The following MRTFB variants were observed in gnomAD, a reference collection of about 807,000 sequenced individuals.
MRTFB encodes myocardin-related transcription factor B.
A neutral mutation model predicts 104.2 loss-of-function variants in MRTFB; 29 were observed. The observed-to-expected ratio is 0.28, with a 90% CI of 0.21 to 0.38. The LOEUF is 0.38. MRTFB is among the 10% of genes least tolerant of loss of function. The probability of loss-of-function intolerance (pLI) is 1.00; values close to 1 mark genes in which losing one functional copy is unlikely to be tolerated. For synonymous variants in MRTFB, 535 were observed against 519.5 expected, an observed-to-expected ratio of 1.03 and a Z score of -0.41; for missense variants, 1,270 against 1,341.6, an observed-to-expected ratio of 0.95 and a Z score of 0.83.
chr16:14,122,510 C>T (rs2142308150), intron 2 of MRTFB, among the ~76,000 whole-genome samples: 1 of 152,200 alleles, frequency 6.6e-6, no homozygotes, highest in Middle Eastern at 3.4e-3. Flanking sequence ...ATTCAGCTCC[C>T]ACTTATGAGT....
At chr16:14,040,189 T>C in the MRTFB span, among the ~76,000 whole-genome samples, 1 of 152,272 alleles carries the variant, frequency 6.6e-6, no homozygotes, top group Admixed American at 6.5e-5. Context: ...AAAGCCACTA[T>C]TACGTTTGCA....
At chr16:14,034,382 G>A in the MRTFB span, among the ~76,000 whole-genome samples, 3 of 152,210 alleles carry the variant, frequency 2.0e-5, no homozygotes, top group African/African-American at 7.2e-5. Flanking sequence ...GGGAGGCCAA[G>A]GTGGGCGGAT....
the MRTFB span, among the ~76,000 whole-genome samples, chr16:14,039,850 G>C: frequency 6.7e-6 from 1 of 149,714 alleles, no homozygotes; most frequent in African/African-American, 2.5e-5. Flanking sequence ...CCGGGTTCAA[G>C]TGATTCTCCT....
intron 3 of MRTFB, among the ~76,000 whole-genome samples, chr16:14,201,229 T>C (rs571050678): frequency 6.6e-6 from 1 of 152,330 alleles, no homozygotes; most frequent in African/African-American, 2.4e-5. Context: ...GCACATTCCA[T>C]AGGTATGCAC....
At chr16:13,998,869 T>C in the MRTFB span, among the ~76,000 whole-genome samples, 3 of 41,496 alleles carry the variant, frequency 7.2e-5, no homozygotes, top group East Asian at 9.2e-4. Context: ...GAGACTCTGT[T>C]TCAAAAAAAA....
rs535218656 is a variant in MRTFB at position 14,263,964 on chromosome 16, C to T, written c.*2520C>T. On this transcript the variant is annotated 3_prime_UTR_variant, in exon 17 of 17. Transcript: ENST00000571589. Reference sequence around the variant, plus strand: ...GGTTGGAGTGAGGACGCGCTATGTGCTCACACTCATGTGACATGACCAAAG... The same window carrying T: ...GGTTGGAGTGAGGACGCGCTATGTGTTCACACTCATGTGACATGACCAAAG... The T allele has an allele frequency of 6.6e-6, 1 of 152,290 alleles. No individual in the cohort carries two copies. Among genetic ancestry groups the T allele is most frequent in the South Asian group, 2.1e-4 (1 of 4,826 alleles). The allele number at this position is 152,290 out of a possible 1,614,324, so 9.4% of individuals were successfully genotyped here.
At chr16:14,138,731 C>G (rs1014648874) in intron 2 of MRTFB, among the ~76,000 whole-genome samples, 1 of 152,046 alleles carries the variant, frequency 6.6e-6, no homozygotes, top group African/African-American at 2.4e-5. Flanking sequence ...CTTTGCGGCT[C>G]GCTCATTTTT....
chr16:14,070,862 A>G (rs142530739), upstream of MRTFB, among the ~76,000 whole-genome samples: 11 of 152,320 alleles, frequency 7.2e-5, no homozygotes, highest in African/African-American at 2.6e-4. Context: ...TGGAGCCATT[A>G]CTGTACTTTC....
At chr16:14,051,888 T>C in the MRTFB span, among the ~76,000 whole-genome samples, 2 of 152,228 alleles carry the variant, frequency 1.3e-5, no homozygotes, top group African/African-American at 4.8e-5. Context: ...GAACAATTCA[T>C]TTCTTTTCAA....
In MRTFB at chr16:14,167,353, GT is replaced by G. The variant is rs757037270; in HGVS notation, c.154+26603del. 3.2e-3 allele frequency among the ~76,000 whole-genome samples: 472 copies of G among 148,000 alleles called. 7 individuals carry two copies. In the East Asian group the frequency reaches 0.042, roughly 13 times the overall value. On this transcript the variant is annotated intron_variant, in intron 3 of 16. Transcript: ENST00000571589. ...TCCTGTCCTTTGCCTACTTTTTAAT[GT>G]TTTTTTTTTCTTGTAAATTTGTTTG...
intron 2 of MRTFB, among the ~76,000 whole-genome samples, chr16:14,086,857 G>A (rs943531150): frequency 2.0e-5 from 3 of 152,040 alleles, no homozygotes; most frequent in Admixed American, 1.3e-4. Context: ...TTTTTACATT[G>A]TACTTAAACA....
At chr16:14,011,486 T>C in the MRTFB span, among the ~76,000 whole-genome samples, 1 of 152,228 alleles carries the variant, frequency 6.6e-6, no homozygotes, top group Non-Finnish European at 1.5e-5. Flanking sequence ...CAAAGCTAAA[T>C]GGGTTTATTT....
At chr16:14,106,654 A>G (rs1475857506) in intron 2 of MRTFB, among the ~76,000 whole-genome samples, 1 of 152,336 alleles carries the variant, frequency 6.6e-6, no homozygotes, top group South Asian at 2.1e-4. Flanking sequence ...GCTTTTTGGC[A>G]GTAACAATAT....
chr16:14,088,090 T>G (rs965601473), intron 2 of MRTFB, among the ~76,000 whole-genome samples: 1 of 152,184 alleles, frequency 6.6e-6, no homozygotes, highest in Non-Finnish European at 1.5e-5. Flanking sequence ...ATACGAAATC[T>G]TTGTAGGATC....
intron 3 of MRTFB, among the ~76,000 whole-genome samples, chr16:14,190,466 AGT>A (rs2040130104): frequency 6.6e-6 from 1 of 152,256 alleles, no homozygotes; most frequent in Admixed American, 6.5e-5. Context: ...AATTCAGATA[AGT>A]GTTTTAATGT....
chr16:14,264,348 G>A lies in MRTFB; in HGVS notation c.*2904G>A, dbSNP rs1567236330. ...CAGATCATCCTACTGGGGGTGGGATGAATTTAAAAGTTATACCAAAATTTC... is the reference window on the plus strand; with the variant it reads ...CAGATCATCCTACTGGGGGTGGGATAAATTTAAAAGTTATACCAAAATTTC... On this transcript the variant is annotated 3_prime_UTR_variant, in exon 17 of 17. Transcript: ENST00000571589. 6.6e-6 allele frequency: 1 copy of A among 152,198 alleles called. No homozygotes were observed. The highest frequency in any genetic ancestry group is 1.5e-5 in the Non-Finnish European group (1 of 68,036). The allele number at this position is 152,198 out of a possible 1,614,324, so 9.4% of individuals were successfully genotyped here. A position where few individuals can be genotyped will look rare whatever the true frequency, so the allele number is the denominator to read the frequency against.
the MRTFB span, among the ~76,000 whole-genome samples, chr16:14,035,643 A>C: frequency 6.6e-6 from 1 of 152,186 alleles, no homozygotes; most frequent in Non-Finnish European, 1.5e-5. Flanking sequence ...TTTCCTGATG[A>C]GAAAACTGAG....
intron 1 of MRTFB, among the ~76,000 whole-genome samples, chr16:14,073,140 T>A (rs369526189): frequency 1.6e-4 from 25 of 152,324 alleles, no homozygotes; most frequent in East Asian, 1.3e-3. Context: ...ATTACTGGAG[T>A]TTCCCTGCAA....
the MRTFB span, among the ~76,000 whole-genome samples, chr16:14,046,502 G>A: frequency 1.3e-5 from 2 of 152,012 alleles, no homozygotes; most frequent in Non-Finnish European, 2.9e-5. Context: ...TCTTCCCACG[G>A]TGCACAACAG....
Sources: gnomAD v4.1 joint callset for allele counts (sites outside exome capture counted in the v4.1 genomes callset) on GRCh38, gnomAD v4.1.1 for gene constraint, MANE v1.5 for transcripts, NCBI Gene and HGNC (gene_info 2026-07-23, HGNC 2026-07-21) for gene names.